AGMO: variants seen among roughly 807,000 people sequenced by gnomAD.
AGMO encodes glyceryl-ether monooxygenase.
AGMO carries 75 observed loss-of-function variants against 60.2 expected under a neutral mutation model. That is an observed-to-expected ratio of 1.25 (90% confidence interval 1.03 to 1.51). The LOEUF (loss-of-function observed/expected upper bound fraction) is 1.51. Ranked by LOEUF, AGMO falls within the 40% of genes most tolerant of loss-of-function variation. The pLI is 0.00. For missense variants in AGMO, 763 were observed against 525.5 expected, an observed-to-expected ratio of 1.45 and a Z score of -4.42; for synonymous variants, 261 against 177.1, an observed-to-expected ratio of 1.47 and a Z score of -3.76.
rs551626962 is a variant in AGMO at position 15,466,077 on chromosome 7, C to G, written c.410-34969G>C. ...GACCAAAATCTTGGTCCTTAGGGAT[C>G]TCATGTTTTATTTTTCTGAAGCCTA... On this transcript the variant is annotated intron_variant, in intron 3 of 12. Transcript: ENST00000342526. Among the ~76,000 whole-genome samples the G allele has an allele frequency of 2.0e-4, 31 of 152,172 alleles. 1 individual carries two copies. Among genetic ancestry groups the G allele is most frequent in the Admixed American group, 6.6e-4 (10 of 15,260 alleles).
intron 12 of AGMO, among the ~76,000 whole-genome samples, chr7:15,247,449 C>T (rs1441826114): frequency 8.6e-6 from 1 of 116,426 alleles, no homozygotes; most frequent in East Asian, 2.5e-4. Context: ...CACACACACA[C>T]ACACACACAC....
At chr7:15,200,167 A>G (rs1274131288), downstream of AGMO, among the ~76,000 whole-genome samples, 1 of 148,484 alleles carries the variant, frequency 6.7e-6, no homozygotes, top group Non-Finnish European at 1.5e-5. Context: ...CTTGATTTCA[A>G]GAAATATTGG....
At chr7:15,255,256 CAT>C (rs781129051) in intron 12 of AGMO, among the ~76,000 whole-genome samples, 172 of 152,066 alleles carry the variant, frequency 1.1e-3, no homozygotes, top group Middle Eastern at 3.4e-3. Context: ...AGAAATACCT[CAT>C]ATAGGTGAAA....
At chr7:15,487,353 G>C (rs1782950873) in intron 3 of AGMO, among the ~76,000 whole-genome samples, 1 of 152,122 alleles carries the variant, frequency 6.6e-6, no homozygotes. Flanking sequence ...ATATAAGTGT[G>C]ATTGGGGCAT....
At chr7:15,532,605 G>A (rs541193242) in intron 3 of AGMO, among the ~76,000 whole-genome samples, 27 of 152,260 alleles carry the variant, frequency 1.8e-4, no homozygotes, top group African/African-American at 6.5e-4. Flanking sequence ...CACATATTTT[G>A]TTTTGCTGTG....
At chr7:15,361,047 T>A (rs980284445) in intron 12 of AGMO, among the ~76,000 whole-genome samples, 10 of 152,160 alleles carry the variant, frequency 6.6e-5, no homozygotes, top group Non-Finnish European at 1.5e-4. Context: ...GAATCCTGGT[T>A]TCTGGAAATC....
chr7:15,129,943 G>C, the AGMO span, among the ~76,000 whole-genome samples: 2 of 152,092 alleles, frequency 1.3e-5, no homozygotes, highest in African/African-American at 4.8e-5. Context: ...AGCCATGCTC[G>C]AGTAATCCCA....
intron 12 of AGMO, among the ~76,000 whole-genome samples, chr7:15,239,715 C>T (rs1218319176): frequency 1.3e-5 from 2 of 152,110 alleles, no homozygotes; most frequent in Non-Finnish European, 2.9e-5. Flanking sequence ...TTTACAATTT[C>T]ATTTGCTATC....
chr7:15,427,765 T>C (rs1263653658), intron 4 of AGMO, among the ~76,000 whole-genome samples: 1 of 152,154 alleles, frequency 6.6e-6, no homozygotes, highest in Admixed American at 6.6e-5. Flanking sequence ...AAGATTGAAG[T>C]GGCATGCAAA....
At position 15,454,357 on chromosome 7, in the gene AGMO, C is replaced by CCACACACACA. The variant is rs71004380; in HGVS notation, c.410-23259_410-23250dup. On this transcript the variant is annotated intron_variant, in intron 3 of 12. Coordinates refer to ENST00000342526, the MANE Select transcript of AGMO (RefSeq NM_001004320.2). ...AAAGAACAGATCTTAAGTGTTCTCA[C>CCACACACACA]CACACACACACACACACACACAAAC... 1.0e-2 allele frequency among the ~76,000 whole-genome samples: 1,492 copies of CCACACACACA among 149,222 alleles called. 22 individuals carry two copies. Among genetic ancestry groups the CCACACACACA allele is most frequent in the Middle Eastern group, 0.035 (10 of 288 alleles).
chr7:15,532,843 TA>T (rs1273597856), intron 3 of AGMO, among the ~76,000 whole-genome samples: 2 of 151,982 alleles, frequency 1.3e-5, no homozygotes, highest in Non-Finnish European at 2.9e-5. Context: ...ATTTAAAAAT[TA>T]GCCGAGAATG....
chr7:15,429,746 G>T (rs1562502550), intron 4 of AGMO, among the ~76,000 whole-genome samples: 1 of 151,906 alleles, frequency 6.6e-6, no homozygotes, highest in African/African-American at 2.4e-5. Context: ...TGCTGTTTGG[G>T]TTAGCACACA....
the AGMO span, among the ~76,000 whole-genome samples, chr7:15,121,524 T>C: frequency 6.6e-6 from 1 of 152,212 alleles, no homozygotes; most frequent in African/African-American, 2.4e-5. Flanking sequence ...CTAACTGGTA[T>C]GAGATGGTAT....
chr7:15,457,259 A>G (rs764769383), intron 3 of AGMO, among the ~76,000 whole-genome samples: 5 of 152,180 alleles, frequency 3.3e-5, no homozygotes, highest in Non-Finnish European at 5.9e-5. Flanking sequence ...CAGTGTTCAG[A>G]TAACTTTGAT....
chr7:15,222,465 C>T (rs2128497283), intron 12 of AGMO, among the ~76,000 whole-genome samples: 2 of 152,146 alleles, frequency 1.3e-5, no homozygotes, highest in Non-Finnish European at 2.9e-5. Context: ...TTAGCATTCA[C>T]TCAAATATTC....
chr7:15,283,505 T>G (rs1396644190), intron 12 of AGMO, among the ~76,000 whole-genome samples: 3 of 152,004 alleles, frequency 2.0e-5, no homozygotes, highest in African/African-American at 7.2e-5. Context: ...TATATAATGA[T>G]AAAATGATCA....
intron 3 of AGMO, among the ~76,000 whole-genome samples, chr7:15,445,460 A>G (rs1781675764): frequency 6.6e-6 from 1 of 152,122 alleles, no homozygotes; most frequent in Admixed American, 6.6e-5. Context: ...TCAAACTTGG[A>G]GCCCATCCCC....
intron 12 of AGMO, among the ~76,000 whole-genome samples, chr7:15,265,607 C>T (rs1423641269): frequency 1.3e-5 from 2 of 149,432 alleles, no homozygotes; most frequent in African/African-American, 4.9e-5. Flanking sequence ...AGGCTGGATA[C>T]AATTAAAAAA....
intron 4 of AGMO, 62 bp from the exon 5 acceptor site, chr7:15,418,715 G>T: frequency 1.0e-6 from 1 of 987,238 alleles, no homozygotes; most frequent in South Asian, 1.5e-5. Context: ...CTTTGTTAAT[G>T]GTTCAATATT....
Sources: gnomAD v4.1 joint callset for allele counts (sites outside exome capture counted in the v4.1 genomes callset) on GRCh38, gnomAD v4.1.1 for gene constraint, MANE v1.5 for transcripts, NCBI Gene and HGNC (gene_info 2026-07-23, HGNC 2026-07-21) for gene names.